The following SHF variants were observed in gnomAD, a reference collection of about 807,000 sequenced individuals.
SHF encodes Src homology 2 domain containing F, also known as SH2 domain-containing adapter protein F.
A neutral mutation model predicts 42.4 loss-of-function variants in SHF; 30 were observed. That is an observed-to-expected ratio of 0.71 (90% CI 0.53 to 0.96). The LOEUF (loss-of-function observed/expected upper bound fraction) is 0.96. Ranked by LOEUF, SHF falls within the 40% of genes least tolerant of loss-of-function variation. The pLI, the probability that SHF is intolerant of heterozygous loss-of-function variation, is 0.00. For synonymous variants in SHF, 264 were observed against 269.9 expected, an observed-to-expected ratio of 0.98 and a Z score of 0.21; for missense variants, 598 against 634.0, an observed-to-expected ratio of 0.94 and a Z score of 0.61.
At chr15:45,199,772 T>C (rs1399009719) in intron 1 of SHF, 1 of 151,886 alleles carries the variant, frequency 6.6e-6, no homozygotes, top group Non-Finnish European at 1.5e-5. Flanking sequence ...TCCTTTTCGG[T>C]GAAACCTCGT....
In SHF at chr15:45,173,661, G is replaced by C. The variant is rs2141351089; in HGVS notation, c.903C>G (p.Asp301Glu). 2 of 1,551,660 alleles carry C rather than the reference G, an allele frequency of 1.3e-6. No homozygotes were observed. The highest frequency in any genetic ancestry group is 4.9e-5 in the East Asian group (2 of 40,918). ...LPWPPPVGQLDSSPSLPDGDR... is the reference protein window; with the variant it reads ...LPWPPPVGQLESSPSLPDGDR... The stretch of plus-strand genomic sequence containing the variant: ...CCCCATCAGGCAGGGAGGGGCTGCT[G>C]TCCAGCTGTCCCACAGGTGGAGGCC... The change falls in exon 4 of 7, where the codon GAC becomes GAG. Residue 301 changes from aspartate to glutamate, a missense_variant. Asp to Glu is a conservative substitution (Grantham distance 45). Coordinates refer to ENST00000690270, the MANE Select transcript of SHF (RefSeq NM_001394037.1).
At chr15:45,181,466 G>A (rs1187721427) in intron 1 of SHF, among the ~76,000 whole-genome samples, 1 of 152,220 alleles carries the variant, frequency 6.6e-6, no homozygotes, top group Admixed American at 6.5e-5. Context: ...GGAGGAAGCT[G>A]CTCCTATAGG....
intron 3 of SHF, chr15:45,174,544 G>C (rs1260832908): frequency 6.6e-6 from 1 of 152,428 alleles, no homozygotes; most frequent in Non-Finnish European, 1.5e-5. Context: ...GAGTGAAGTC[G>C]AATGGCATTT....
rs112045736 is a variant in SHF, at chr15:45,178,324, A to C, written c.499-18T>G. 6.2e-7 allele frequency: 1 copy of C among 1,609,866 alleles called. No homozygotes were observed. The highest frequency in any genetic ancestry group is 8.5e-7 in the Non-Finnish European group (1 of 1,177,736). On this transcript the variant is annotated intron_variant, in intron 1 of 6. Transcript: ENST00000690270. ...ATAGCTAGCTGTGGGAGGAGAGTGAAGAGAGTGGGCTTCAGGGAGCAGAGA... is the reference window on the plus strand; with the variant it reads ...ATAGCTAGCTGTGGGAGGAGAGTGACGAGAGTGGGCTTCAGGGAGCAGAGA...
chr15:45,188,822 C>G (rs570382324), upstream of SHF, among the ~76,000 whole-genome samples: 21 of 152,296 alleles, frequency 1.4e-4, no homozygotes, highest in African/African-American at 4.6e-4. Flanking sequence ...AGAAACAGTC[C>G]CAGTGTTGTC....
chr15:45,179,247 G>T (rs1011975400), intron 1 of SHF, among the ~76,000 whole-genome samples: 26 of 152,376 alleles, frequency 1.7e-4, no homozygotes, highest in African/African-American at 6.0e-4. Flanking sequence ...TAGGGAACAT[G>T]TCCAGGACCA....
upstream of SHF, among the ~76,000 whole-genome samples, chr15:45,191,249 C>G (rs1211886253): frequency 6.6e-6 from 1 of 152,178 alleles, no homozygotes; most frequent in Non-Finnish European, 1.5e-5. Flanking sequence ...GGCCTCAGTA[C>G]GTTGCTCAGA....
At chr15:45,193,508 G>C (rs1054962146) in intron 2 of SHF, among the ~76,000 whole-genome samples, 1 of 152,176 alleles carries the variant, frequency 6.6e-6, no homozygotes, top group East Asian at 1.9e-4. Flanking sequence ...CCTTAGTCTG[G>C]TTTAGTGAAG....
At chr15:45,192,663 G>A (rs903475622), upstream of SHF, among the ~76,000 whole-genome samples, 4 of 152,036 alleles carry the variant, frequency 2.6e-5, no homozygotes, top group Non-Finnish European at 4.4e-5. Context: ...GAGCCACCGC[G>A]CCTGGCCCTG....
In SHF at chr15:45,175,339, C is replaced by G; in HGVS notation, c.727G>C (p.Glu243Gln). 6.2e-7 allele frequency: 1 copy of G among 1,602,144 alleles called. No individual in the cohort carries two copies. The highest frequency in any genetic ancestry group is 1.1e-5 in the South Asian group (1 of 88,890). ...CGGGGCCAGGGGGCCCCCTCACCTT[C>G]CGCGGTGGCCCCATCCTCCTCTGGC... ...YEPEEDGATA[E>Q]GEGAPWPRES... The change falls in exon 3 of 7, where the codon GAA (glutamate) becomes CAA (glutamine). Residue 243 changes from glutamate (E) to glutamine (Q), a missense_variant. By Grantham distance (29) the Glu-to-Gln change is conservative. Around this residue, in one of 2 missense-constraint regions of SHF, gnomAD observed 439 missense variants for 524.6 expected, o/e 0.84. Coordinates refer to ENST00000690270, the MANE Select transcript of SHF (RefSeq NM_001394037.1).
At chr15:45,200,752 T>C (rs1466788475) in exon 1 of SHF, 1 of 456,074 alleles carries the variant, frequency 2.2e-6, no homozygotes, top group Non-Finnish European at 4.4e-6. Flanking sequence ...AGTTGTATGG[T>C]GGTGGGTCAG....
chr15:45,172,582 AC>A (rs1249616096), intron 4 of SHF, among the ~76,000 whole-genome samples: 1 of 152,106 alleles, frequency 6.6e-6, no homozygotes, highest in East Asian at 1.9e-4. Context: ...CAGAGGAGCA[AC>A]CTGAGAAACC....
chr15:45,169,991 C>T (rs1410797417), intron 6 of SHF, among the ~76,000 whole-genome samples: 5 of 152,230 alleles, frequency 3.3e-5, no homozygotes, highest in African/African-American at 4.8e-5. Flanking sequence ...TATATGCAAA[C>T]GAGGCTCTGG....
chr15:45,199,237 T>C, intron 1 of SHF: 1 of 797,382 alleles, frequency 1.3e-6, no homozygotes, highest in African/African-American at 1.9e-5. Flanking sequence ...TCCTGACTCC[T>C]CCTTCCGCAA....
chr15:45,178,660 G>A (rs1429863998), intron 1 of SHF, among the ~76,000 whole-genome samples: 2 of 150,170 alleles, frequency 1.3e-5, no homozygotes, highest in South Asian at 2.1e-4. Context: ...TCAGCCTCCC[G>A]AGTAGCTGGG....
At chr15:45,175,135 C>A in intron 3 of SHF, 84 bp downstream of exon 3, 1 of 1,425,712 alleles carries the variant, frequency 7.0e-7, no homozygotes, top group Non-Finnish European at 9.5e-7. Flanking sequence ...TCTCTGGGTT[C>A]CTGGGGTCCA....
chr15:45,167,900 G>C lies in SHF; in HGVS notation c.*47C>G. On this transcript the variant is annotated 3_prime_UTR_variant, in exon 7 of 7. Coordinates refer to ENST00000690270, the MANE Select transcript of SHF (RefSeq NM_001394037.1). ...GAGCCACAGCCCTCAGCCAGGTGAT[G>C]GGCACAGGGCTGGGTACAGGTCTAT... 1.4e-6 allele frequency: 2 copies of C among 1,431,488 alleles called. No individual in the cohort carries two copies. The highest frequency in any genetic ancestry group is 9.3e-7 in the Non-Finnish European group (1 of 1,079,662). 88.7% of individuals were successfully genotyped at this position (1,431,488 alleles called of 1,614,324 possible).
intron 4 of SHF, among the ~76,000 whole-genome samples, chr15:45,172,748 T>G (rs539696198): frequency 1.3e-5 from 2 of 152,342 alleles, no homozygotes; most frequent in Non-Finnish European, 1.5e-5. Flanking sequence ...AAATGACTTA[T>G]CGATCTGAGA....
upstream of SHF, among the ~76,000 whole-genome samples, chr15:45,192,105 A>C (rs1053492723): frequency 6.6e-6 from 1 of 152,022 alleles, no homozygotes; most frequent in Non-Finnish European, 1.5e-5. Context: ...TTTAGCAGGC[A>C]TTGCCAAAGA....
Sources: allele counts gnomAD v4.1 joint callset (sites outside exome capture counted in the v4.1 genomes callset), GRCh38; gene constraint gnomAD v4.1.1; regional missense constraint gnomAD v4.1.1; transcripts MANE v1.5; gene names NCBI Gene and HGNC (gene_info 2026-07-23, HGNC 2026-07-21).